The following LTBR variants were observed in gnomAD, a reference collection of about 807,000 sequenced individuals.
LTBR encodes lymphotoxin beta receptor, also known as tumor necrosis factor receptor superfamily member 3.
Under a neutral mutation model 45.4 loss-of-function variants are expected in LTBR, and 15 were observed. That is an observed-to-expected ratio of 0.33 (90% confidence interval 0.22 to 0.51). The LOEUF (loss-of-function observed/expected upper bound fraction) is 0.51. Ranked by LOEUF, LTBR falls within the 20% of genes least tolerant of loss-of-function variation. LTBR has a pLI of 0.97. For missense variants in LTBR, 450 were observed against 565.5 expected (o/e 0.80, Z 2.07); for synonymous variants, 228 against 231.0 (o/e 0.99, Z 0.12).
At chr12:6,389,832 A>G (rs1300432481) in intron 8 of LTBR, 8 of 336,386 alleles carry the variant, frequency 2.4e-5, no homozygotes, top group Non-Finnish European at 4.3e-5. Context: ...AGTTAGCCAG[A>G]CAGTCCCAGC....
intron 6 of LTBR, chr12:6,387,788 C>A: frequency 2.3e-6 from 1 of 427,134 alleles, no homozygotes; most frequent in Non-Finnish European, 4.7e-6. Flanking sequence ...TCTTTCTCTT[C>A]CCCTCCTAGA....
At position 6,390,336 on chromosome 12, in the gene LTBR, C is replaced by T. The variant is rs1275804945; in HGVS notation, c.1026C>T (p.Ala342=). Reference sequence around the variant, plus strand: ...AACCCGGGGAGCAGAGCCAGGTGGCCCACGGTGAGCCTGGGGCAGGGAGAA... The same window carrying T: ...AACCCGGGGAGCAGAGCCAGGTGGCTCACGGTGAGCCTGGGGCAGGGAGAA... The part of the protein sequence containing the change: ...QLEPGEQSQV[A]HGTNGIHVTG... Residue 342 remains alanine, a synonymous_variant, in exon 9 of 10, where the codon GCC becomes GCT. Transcript: ENST00000228918. The T allele has an allele frequency of 1.3e-6, 2 of 1,594,652 alleles. No homozygotes were observed. The highest frequency in any genetic ancestry group is 1.7e-6 in the Non-Finnish European group (2 of 1,168,610).
rs1271461060 is a variant in LTBR, at chr12:6,386,838, T to C, written c.667+394T>C. ...ATTAGACAGAAGATTCCCATTTGAC[T>C]CTTTCTTGACTGTTTCCTGTGGACT... On this transcript the variant is annotated intron_variant, in intron 6 of 9. Coordinates refer to ENST00000228918, the MANE Select transcript of LTBR (RefSeq NM_002342.3). This position sits in a 1 kb window ranked among gnomAD's most constrained non-coding sequence, Gnocchi z 4.1. 2 of 170,278 alleles carry C rather than the reference T, an allele frequency of 1.2e-5. No individual in the cohort carries two copies. Among genetic ancestry groups the C allele is most frequent in the Non-Finnish European group, 2.5e-5 (2 of 79,650 alleles). 10.5% of individuals were successfully genotyped at this position (170,278 alleles called of 1,614,324 possible).
chr12:6,384,285 G>A lies in LTBR; in HGVS notation c.-74G>A. On this transcript the variant is annotated 5_prime_UTR_variant, in exon 1 of 10. Transcript: ENST00000228918. ...CTGGGCTCGGGCAGCCGCCGCCACCGCTGCCCAGGACGTCGGGCCTCCTGC... is the reference window on the plus strand; with the variant it reads ...CTGGGCTCGGGCAGCCGCCGCCACCACTGCCCAGGACGTCGGGCCTCCTGC... 2 of 1,420,840 alleles carry A rather than the reference G, an allele frequency of 1.4e-6. No individual in the cohort carries two copies. The highest frequency in any genetic ancestry group is 1.8e-6 in the Non-Finnish European group (2 of 1,092,596). The allele number at this position is 1,420,840 out of a possible 1,614,324, so 88.0% of individuals were successfully genotyped here.
At chr12:6,379,978 A>G (rs543180469), upstream of LTBR, among the ~76,000 whole-genome samples, 1 of 151,888 alleles carries the variant, frequency 6.6e-6, no homozygotes, top group South Asian at 2.1e-4. Flanking sequence ...GAAGTTCACT[A>G]CTAGAAGTTT....
chr12:6,375,558 G>T, exon 1 of LTBR: 1 of 1,534,772 alleles, frequency 6.5e-7, no homozygotes, highest in Non-Finnish European at 8.7e-7. Context: ...GGCCAGGGAT[G>T]GAAGCGACAG....
chr12:6,389,977 G>C (rs1565495902), intron 8 of LTBR, 135 bp from the exon 9 acceptor site: 2 of 670,344 alleles, frequency 3.0e-6, no homozygotes, highest in East Asian at 2.6e-5. Context: ...AAGAGAGAGA[G>C]AGAAAGAGAG....
chr12:6,385,533 T>C (rs1949030074), intron 4 of LTBR, 154 bp downstream of exon 4: 2 of 904,856 alleles, frequency 2.2e-6, no homozygotes, highest in Non-Finnish European at 3.3e-6. Context: ...CACAGAAGGG[T>C]TCTGGAGGGA....
At chr12:6,375,162 T>C, upstream of LTBR, 5 of 1,460,530 alleles carry the variant, frequency 3.4e-6, no homozygotes, top group Non-Finnish European at 3.6e-6. Context: ...CCTTTGGTCT[T>C]CTTCCTCCAG....
chr12:6,389,347 T>A (rs1949084317), intron 8 of LTBR: 1 of 156,802 alleles, frequency 6.4e-6, no homozygotes, highest in Non-Finnish European at 1.4e-5. Context: ...GTGTGGGAAC[T>A]AAAGAAAGAT....
At chr12:6,389,822 A>T in intron 8 of LTBR, 15 of 253,192 alleles carry the variant, frequency 5.9e-5, no homozygotes, top group East Asian at 2.5e-4. Flanking sequence ...AAAAAAAAAA[A>T]GTTAGCCAGA....
chr12:6,385,416 G>T, intron 4 of LTBR, 37 bp downstream of exon 4: 2 of 1,609,872 alleles, frequency 1.2e-6, no homozygotes, highest in Non-Finnish European at 1.7e-6. Context: ...TGAAAAGGAG[G>T]CTGGGTGCCA....
At chr12:6,375,451 G>A in exon 1 of LTBR, 1 of 1,535,350 alleles carries the variant, frequency 6.5e-7, no homozygotes, top group Admixed American at 2.0e-5. Context: ...CGGCTGGACT[G>A]GGACTGGTTC....
upstream of LTBR, among the ~76,000 whole-genome samples, chr12:6,380,218 C>T (rs1042572231): frequency 6.6e-6 from 1 of 151,082 alleles, no homozygotes; most frequent in East Asian, 2.0e-4. Flanking sequence ...AAGTCACCCC[C>T]GTTGAAAAGA....
intron 1 of LTBR, among the ~76,000 whole-genome samples, chr12:6,378,800 G>A (rs1948945764): frequency 6.6e-6 from 1 of 152,150 alleles, no homozygotes; most frequent in South Asian, 2.1e-4. Context: ...TGTCTTGGAA[G>A]GACCCCCTGC....
At chr12:6,379,691 G>A (rs1186058964), upstream of LTBR, among the ~76,000 whole-genome samples, 1 of 152,156 alleles carries the variant, frequency 6.6e-6, no homozygotes, top group Non-Finnish European at 1.5e-5. Context: ...AGCACTTTGG[G>A]AGGCCGAGGC....
At chr12:6,389,096 C>G (rs1170999265) in intron 8 of LTBR, 3 of 390,482 alleles carry the variant, frequency 7.7e-6, no homozygotes, top group Non-Finnish European at 9.5e-6. Context: ...CTAAACAAAG[C>G]AGGGAAGGGG....
upstream of LTBR, among the ~76,000 whole-genome samples, chr12:6,379,682 G>A (rs1214838568): frequency 6.6e-6 from 1 of 152,156 alleles, no homozygotes; most frequent in African/African-American, 2.4e-5. Context: ...TGTAATCCCA[G>A]CACTTTGGGA....
intron 1 of LTBR, chr12:6,376,338 A>G: frequency 4.5e-6 from 1 of 220,362 alleles, no homozygotes; most frequent in Non-Finnish European, 7.7e-6. Flanking sequence ...GTTCTTTTTT[A>G]CACTGTTGGC....
Sources: gnomAD v4.1 joint callset for allele counts (sites outside exome capture counted in the v4.1 genomes callset) on GRCh38, gnomAD v4.1.1 for gene constraint, Gnocchi (gnomAD v3.1) non-coding constraint, MANE v1.5 for transcripts, NCBI Gene and HGNC (gene_info 2026-07-23, HGNC 2026-07-21) for gene names.